The following ADGRB3 variants were observed in gnomAD, a reference collection of about 807,000 sequenced individuals.
ADGRB3 encodes adhesion G protein-coupled receptor B3, also known as brain-specific angiogenesis inhibitor 3.
In ADGRB3, 37 loss-of-function variants were observed where a neutral mutation model predicts 193.4. The observed-to-expected ratio is 0.19, with a 90% CI of 0.15 to 0.25. The LOEUF (loss-of-function observed/expected upper bound fraction) is 0.25, where lower values mean the gene tolerates loss of function less well. Ranked by LOEUF, ADGRB3 falls within the 10% of genes least tolerant of loss-of-function variation. The probability of loss-of-function intolerance (pLI) is 1.00; values close to 1 mark genes in which losing one functional copy is unlikely to be tolerated. For missense variants in ADGRB3, 1,637 were observed against 1,852.9 expected (o/e 0.88, Z 2.14); for synonymous variants, 690 against 644.2 (o/e 1.07, Z -1.08).
At chr6:69,034,348 C>G (rs1315826917) in intron 13 of ADGRB3, among the ~76,000 whole-genome samples, 1 of 151,478 alleles carries the variant, frequency 6.6e-6, no homozygotes, top group Admixed American at 6.6e-5. Context: ...AAAATGTATT[C>G]TGAAAATCTA....
intron 3 of ADGRB3, among the ~76,000 whole-genome samples, chr6:68,800,834 G>A (rs936690553): frequency 6.6e-6 from 1 of 152,050 alleles, no homozygotes; most frequent in Non-Finnish European, 1.5e-5. Flanking sequence ...CTTAAGACAG[G>A]TACAAACAGC....
intron 3 of ADGRB3, among the ~76,000 whole-genome samples, chr6:68,717,419 T>G (rs1765506787): frequency 6.6e-6 from 1 of 151,716 alleles, no homozygotes; most frequent in South Asian, 2.1e-4. Context: ...AATCTAAAAA[T>G]GTTGTAGGTG....
At chr6:69,185,145 G>A (rs1765042555) in intron 17 of ADGRB3, among the ~76,000 whole-genome samples, 1 of 152,020 alleles carries the variant, frequency 6.6e-6, no homozygotes, top group Non-Finnish European at 1.5e-5. Flanking sequence ...AGGAACAAGG[G>A]AAATAAGTAT....
chr6:69,075,188 G>A (rs892220035), intron 16 of ADGRB3, among the ~76,000 whole-genome samples: 9 of 152,168 alleles, frequency 5.9e-5, no homozygotes, highest in African/African-American at 2.2e-4. Flanking sequence ...CACTTTAAAA[G>A]TGTATGCTCC....
intron 13 of ADGRB3, among the ~76,000 whole-genome samples, chr6:69,035,057 C>A (rs1770827864): frequency 6.6e-6 from 1 of 152,036 alleles, no homozygotes; most frequent in Non-Finnish European, 1.5e-5. Flanking sequence ...TATTAGTCAT[C>A]ATCCTTTGTT....
At chr6:68,956,309 G>C in intron 7 of ADGRB3, 121 bp downstream of exon 7, 1 of 915,802 alleles carries the variant, frequency 1.1e-6, no homozygotes, top group African/African-American at 1.7e-5. Context: ...ATATGTGTGT[G>C]TGTGTGTGTG....
intron 11 of ADGRB3, among the ~76,000 whole-genome samples, chr6:69,006,070 A>T (rs1769740377): frequency 6.6e-6 from 1 of 152,092 alleles, no homozygotes; most frequent in Admixed American, 6.6e-5. Flanking sequence ...CCTATTACCA[A>T]AAAAGTACCT....
chr6:69,276,858 G>GTTTCA (rs1322654603), intron 20 of ADGRB3, among the ~76,000 whole-genome samples: 1 of 151,688 alleles, frequency 6.6e-6, no homozygotes, highest in Non-Finnish European at 1.5e-5. Context: ...TGTGGTGATG[G>GTTTCA]TTTCACAGTG....
In ADGRB3 at chr6:69,372,388, T is replaced by C. The variant is rs1443013155; in HGVS notation, c.4240-18T>C. The C allele has an allele frequency of 6.0e-6, 8 of 1,324,526 alleles. No individual in the cohort carries two copies. The highest frequency in any genetic ancestry group is 8.3e-6 in the Non-Finnish European group (8 of 969,174). 82.0% of individuals were successfully genotyped at this position (1,324,526 alleles called of 1,614,324 possible). ...CTTTATTGGTTTTTCTCCTTCTTTTTAAAAATATATCTTACAGAGAAGAAA... is the reference window on the plus strand; with the variant it reads ...CTTTATTGGTTTTTCTCCTTCTTTTCAAAAATATATCTTACAGAGAAGAAA... On this transcript the variant is annotated intron_variant, in intron 29 of 31. Transcript: ENST00000370598.
intron 11 of ADGRB3, among the ~76,000 whole-genome samples, chr6:69,006,158 A>G (rs1036297554): frequency 4.6e-5 from 7 of 152,210 alleles, no homozygotes; most frequent in Admixed American, 4.6e-4. Context: ...TGTTGTTCTT[A>G]CTTAATTTCA....
intron 17 of ADGRB3, among the ~76,000 whole-genome samples, chr6:69,228,065 G>A (rs564372898): frequency 3.1e-4 from 47 of 152,176 alleles, no homozygotes; most frequent in Non-Finnish European, 6.3e-4. Flanking sequence ...ATACCAGGCT[G>A]GACAACATGG....
At chr6:68,721,961 T>C (rs1035714447) in intron 3 of ADGRB3, among the ~76,000 whole-genome samples, 4 of 151,650 alleles carry the variant, frequency 2.6e-5, no homozygotes, top group African/African-American at 9.7e-5. Flanking sequence ...TCATTAATCA[T>C]TTTTTCATTT....
At chr6:69,275,519 A>G (rs1475935419) in intron 20 of ADGRB3, among the ~76,000 whole-genome samples, 1 of 152,032 alleles carries the variant, frequency 6.6e-6, no homozygotes, top group Non-Finnish European at 1.5e-5. Context: ...TTAATTATGT[A>G]TAATTATATT....
At chr6:68,739,322 G>C (rs747263269) in intron 3 of ADGRB3, among the ~76,000 whole-genome samples, 5 of 152,310 alleles carry the variant, frequency 3.3e-5, no homozygotes, top group Non-Finnish European at 7.3e-5. Context: ...GGTATGTGTG[G>C]TCAAGTGAGG....
At position 68,728,945 on chromosome 6, in the gene ADGRB3, A is replaced by AT. The variant is rs151256182; in HGVS notation, c.757+89523dup. 8.1e-3 allele frequency among the ~76,000 whole-genome samples: 1,217 copies of AT among 149,480 alleles called. 12 individuals carry two copies. The highest frequency in any genetic ancestry group is 0.026 in the African/African-American group (1,083 of 40,920). Reference sequence around the variant, plus strand: ...ACTTAAGCCAAAATTCTTCAATGTGATTTTTTTTTTATTTAGAAGCATACA... The same window carrying AT: ...ACTTAAGCCAAAATTCTTCAATGTGATTTTTTTTTTTATTTAGAAGCATACA... On this transcript the variant is annotated intron_variant, in intron 3 of 31. Coordinates refer to ENST00000370598, the MANE Select transcript of ADGRB3 (RefSeq NM_001704.3).
intron 13 of ADGRB3, among the ~76,000 whole-genome samples, chr6:69,043,327 A>AGAAAGAAAGAAG: frequency 6.6e-6 from 1 of 151,784 alleles, no homozygotes; most frequent in Non-Finnish European, 1.5e-5. Flanking sequence ...AAAGAAAGAA[A>AGAAAGAAAGAAG]GAAAGAGAAA....
intron 3 of ADGRB3, among the ~76,000 whole-genome samples, chr6:68,682,552 A>G (rs1439229056): frequency 6.6e-6 from 1 of 152,200 alleles, no homozygotes; most frequent in Non-Finnish European, 1.5e-5. Flanking sequence ...TTTCAGAAAT[A>G]TTGTTAGTTA....
chr6:69,265,855 T>G (rs553524628), intron 20 of ADGRB3, among the ~76,000 whole-genome samples: 4 of 152,118 alleles, frequency 2.6e-5, no homozygotes, highest in African/African-American at 9.6e-5. Context: ...AATAACTTGC[T>G]CATCTGTAGA....
At chr6:69,003,735 A>T (rs962609605) in intron 11 of ADGRB3, among the ~76,000 whole-genome samples, 5 of 152,186 alleles carry the variant, frequency 3.3e-5, no homozygotes, top group African/African-American at 9.6e-5. Context: ...AACTTTCTTA[A>T]GTGGGTGAAA....
Sources: gnomAD v4.1 joint callset for allele counts (sites outside exome capture counted in the v4.1 genomes callset) on GRCh38, gnomAD v4.1.1 for gene constraint, MANE v1.5 for transcripts, NCBI Gene and HGNC (gene_info 2026-07-23, HGNC 2026-07-21) for gene names.